Variants in LY75 observed in about 807,000 individuals in gnomAD.
LY75 encodes the protein C-type lectin domain family 13 member B.
Under a neutral mutation model 231.7 loss-of-function variants are expected in LY75, and 185 were observed. The ratio of observed to expected loss-of-function variants is 0.80; its 90% CI spans 0.71 to 0.90. LY75 has a LOEUF of 0.90. LY75 is among the 40% of genes least tolerant of loss of function. The pLI is 0.00. For missense variants in LY75, 1,947 were observed against 2,050.2 expected, an observed-to-expected ratio of 0.95 and a Z score of 0.97; for synonymous variants, 668 against 689.0, an observed-to-expected ratio of 0.97 and a Z score of 0.48.
intron 3 of LY75, among the ~76,000 whole-genome samples, chr2:159,890,688 C>T (rs962858892): frequency 6.6e-6 from 1 of 152,108 alleles, no homozygotes; most frequent in Admixed American, 6.6e-5. Flanking sequence ...TCAGTGTGCA[C>T]ATGTTGTGAA....
At chr2:159,871,151 T>C (rs1206115903) in intron 13 of LY75, among the ~76,000 whole-genome samples, 2 of 152,126 alleles carry the variant, frequency 1.3e-5, no homozygotes, top group African/African-American at 4.8e-5. Context: ...AGAATTTACA[T>C]ATTAGTTATA....
chr2:159,837,189 C>T (rs1438576194), intron 25 of LY75, among the ~76,000 whole-genome samples: 1 of 152,164 alleles, frequency 6.6e-6, no homozygotes, highest in Non-Finnish European at 1.5e-5. Context: ...CACCTGCGCT[C>T]ATATGTTTAT....
At chr2:159,832,080 T>C (rs1181332605) in intron 27 of LY75, among the ~76,000 whole-genome samples, 1 of 152,198 alleles carries the variant, frequency 6.6e-6, no homozygotes, top group African/African-American at 2.4e-5. Context: ...AAAGGTAATT[T>C]TTCAGTTGGT....
chr2:159,836,818 C>T (rs1278936051), intron 25 of LY75, among the ~76,000 whole-genome samples: 1 of 152,214 alleles, frequency 6.6e-6, no homozygotes, highest in African/African-American at 2.4e-5. Flanking sequence ...TGCCTGCACT[C>T]ATTCAGACTG....
At chr2:159,875,686 A>G in intron 11 of LY75, 43 bp from the exon 12 acceptor site, 1 of 1,606,050 alleles carries the variant, frequency 6.2e-7, no homozygotes, top group East Asian at 2.2e-5. Flanking sequence ...TAAAACGTTA[A>G]AGTTCAAACA....
chr2:159,820,241 A>T (rs1220843040), intron 28 of LY75, among the ~76,000 whole-genome samples: 1 of 152,234 alleles, frequency 6.6e-6, no homozygotes, highest in Non-Finnish European at 1.5e-5. Context: ...TGTTTATAGC[A>T]GCACAATTCA....
At chr2:159,830,548 T>G (rs1574537452) in intron 28 of LY75, among the ~76,000 whole-genome samples, 1 of 152,168 alleles carries the variant, frequency 6.6e-6, no homozygotes, top group African/African-American at 2.4e-5. Flanking sequence ...ATTCCAAATA[T>G]TCGAGCCCAT....
At chr2:159,856,530 T>C (rs115304388) in intron 16 of LY75, among the ~76,000 whole-genome samples, 2,184 of 152,082 alleles carry the variant, frequency 0.014, 27 homozygotes, top group Admixed American at 0.027. Context: ...ACCAAGAAAA[T>C]ATCCAACCAG....
At chr2:159,812,587 C>T (rs1289439656) in intron 31 of LY75, among the ~76,000 whole-genome samples, 4 of 151,940 alleles carry the variant, frequency 2.6e-5, no homozygotes, top group South Asian at 2.1e-4. Context: ...AATTTTTACA[C>T]GTTTTTGTAG....
chr2:159,877,009 C>CAAAAAAAAAAA (rs58831835), intron 11 of LY75, among the ~76,000 whole-genome samples: 3 of 90,524 alleles, frequency 3.3e-5, no homozygotes, highest in Non-Finnish European at 2.0e-5. Flanking sequence ...AACTCCATCT[C>CAAAAAAAAAAA]AAAAAAAAAA....
chr2:159,882,475 A>C, intron 6 of LY75, 160 bp from the exon 7 acceptor site: 3 of 537,150 alleles, frequency 5.6e-6, no homozygotes, highest in Non-Finnish European at 7.1e-6. Context: ...CTACCACATA[A>C]ATGAGGTATA....
intron 34 of LY75, 121 bp downstream of exon 34, chr2:159,806,852 G>T: frequency 8.4e-7 from 1 of 1,196,298 alleles, no homozygotes; most frequent in Non-Finnish European, 1.1e-6. Flanking sequence ...CAAGATAGTT[G>T]GATATACTTT....
intron 23 of LY75, among the ~76,000 whole-genome samples, chr2:159,848,984 G>C (rs1684300261): frequency 6.6e-6 from 1 of 152,020 alleles, no homozygotes; most frequent in African/African-American, 2.4e-5. Flanking sequence ...ATACTAGATG[G>C]TGATTTAAAT....
At chr2:159,894,893 A>G (rs1685867868) in intron 2 of LY75, among the ~76,000 whole-genome samples, 1 of 152,198 alleles carries the variant, frequency 6.6e-6, no homozygotes, top group South Asian at 2.1e-4. Flanking sequence ...TATCAATACT[A>G]ATTCTCTTGG....
chr2:159,897,200 A>G (rs551118831), intron 2 of LY75, among the ~76,000 whole-genome samples: 2 of 152,336 alleles, frequency 1.3e-5, no homozygotes, highest in South Asian at 4.1e-4. Context: ...ATGCCCCTCA[A>G]AAGAATTAGA....
At chr2:159,894,413 G>C (rs553220108) in intron 2 of LY75, among the ~76,000 whole-genome samples, 2 of 152,304 alleles carry the variant, frequency 1.3e-5, no homozygotes, top group East Asian at 3.9e-4. Flanking sequence ...TCAGGTGAGG[G>C]TCTACTAACT....
At chr2:159,825,747 A>G (rs1017388812) in intron 28 of LY75, among the ~76,000 whole-genome samples, 1 of 152,210 alleles carries the variant, frequency 6.6e-6, no homozygotes, top group Non-Finnish European at 1.5e-5. Context: ...GCACATCAAA[A>G]AGTTTATCCA....
At chr2:159,838,836 C>T (rs1574545409) in intron 25 of LY75, among the ~76,000 whole-genome samples, 1 of 152,214 alleles carries the variant, frequency 6.6e-6, no homozygotes. Context: ...CACTCTGTCG[C>T]CCAGGCTGGA....
intron 14 of LY75, among the ~76,000 whole-genome samples, chr2:159,864,182 G>A (rs1056640243): frequency 5.9e-5 from 9 of 152,156 alleles, no homozygotes; most frequent in African/African-American, 2.2e-4. Flanking sequence ...CTCTTATTCT[G>A]TGGGTTGTCT....
Sources: allele counts gnomAD v4.1 joint callset (sites outside exome capture counted in the v4.1 genomes callset), GRCh38; gene constraint gnomAD v4.1.1; transcripts MANE v1.5; gene names NCBI Gene and HGNC (gene_info 2026-07-23, HGNC 2026-07-21).